SLCO3A1: variants seen among roughly 807,000 people sequenced by gnomAD.
SLCO3A1 encodes the protein solute carrier organic anion transporter family member 3A1, also known as PGE1 transporter.
A neutral mutation model predicts 63.1 loss-of-function variants in SLCO3A1; 27 were observed. The observed-to-expected ratio is 0.43, with a 90% CI of 0.32 to 0.59. SLCO3A1 has a LOEUF of 0.59. Among genes scored for constraint, SLCO3A1 ranks in the 20% least tolerant of loss-of-function variants. The pLI is 0.09. For missense variants in SLCO3A1, 773 were observed against 945.8 expected, an observed-to-expected ratio of 0.82 and a Z score of 2.40; for synonymous variants, 473 against 409.9, an observed-to-expected ratio of 1.15 and a Z score of -1.86.
intron 7 of SLCO3A1, among the ~76,000 whole-genome samples, chr15:92,144,240 C>T (rs1596142172): frequency 6.6e-6 from 1 of 152,156 alleles, no homozygotes; most frequent in African/African-American, 2.4e-5. Flanking sequence ...GGTTTAGAAA[C>T]ACATATACAT....
intron 2 of SLCO3A1, among the ~76,000 whole-genome samples, chr15:92,015,350 C>T (rs563728641): frequency 6.6e-5 from 10 of 152,186 alleles, no homozygotes; most frequent in African/African-American, 2.2e-4. Flanking sequence ...AGGAAACTTA[C>T]AATCATGTCA....
intron 9 of SLCO3A1, among the ~76,000 whole-genome samples, chr15:92,157,855 C>T (rs181786426): frequency 1.3e-5 from 2 of 152,264 alleles, no homozygotes; most frequent in Admixed American, 1.3e-4. Flanking sequence ...AAAGCTCTGC[C>T]TGAAGGTATG....
intron 5 of SLCO3A1, among the ~76,000 whole-genome samples, chr15:92,121,874 T>C (rs962355805): frequency 6.6e-6 from 1 of 152,152 alleles, no homozygotes; most frequent in Non-Finnish European, 1.5e-5. Context: ...AATGTCTCTG[T>C]TGGCTTTAAT....
At position 91,912,374 on chromosome 15, in the gene SLCO3A1, A is replaced by C. The variant is rs72750089; in HGVS notation, c.181-3619A>C. 0.071 allele frequency among the ~76,000 whole-genome samples: 10,744 copies of C among 152,310 alleles called. 546 individuals are homozygous for C. The highest frequency in any genetic ancestry group is 0.11 in the Non-Finnish European group (7,347 of 68,018). On this transcript the variant is annotated intron_variant, in intron 1 of 9. Coordinates refer to ENST00000318445, the MANE Select transcript of SLCO3A1 (RefSeq NM_013272.4). This position sits in a 1 kb window ranked among gnomAD's most constrained non-coding sequence, Gnocchi z 5.0. ...TCCCAGACTGGCATTGCAGCCCAGC[A>C]GAAGGCCACAGGTCAAGGAGGGAAA...
rs542620099 is a variant in SLCO3A1, at chr15:91,950,223, G to A, written c.646+33765G>A. On this transcript the variant is annotated intron_variant, in intron 2 of 9. Transcript: ENST00000318445. The surrounding 1 kb of genome is among the most constrained non-coding windows in gnomAD (Gnocchi z 4.4). ...AGGCCTGATGGTATGGAGTCTGCAT[G>A]CTCAGGGCTGCCTGCTGTGGCCAGA... Among the ~76,000 whole-genome samples, 2 of 152,184 alleles carry A rather than the reference G, an allele frequency of 1.3e-5. No individual in the cohort carries two copies. Among genetic ancestry groups the A allele is most frequent in the Non-Finnish European group, 2.9e-5 (2 of 68,040 alleles).
chr15:92,147,009 C>A lies in SLCO3A1; in HGVS notation c.1538C>A (p.Thr513Asn). ...STNLTGCACL[T>N]TVPAENATVV... Reference sequence around the variant, plus strand: ...AATCTCACGGGCTGTGCGTGCCTCACCACCGTCCCTGCTGAGAACGCAACC... The same window carrying A: ...AATCTCACGGGCTGTGCGTGCCTCAACACCGTCCCTGCTGAGAACGCAACC... The change falls in exon 8 of 10, where the codon ACC becomes AAC. Residue 513 changes from threonine (T) to asparagine (N), a missense_variant. Transcript: ENST00000318445. 5 of 1,613,732 alleles carry A rather than the reference C, an allele frequency of 3.1e-6. No individual in the cohort carries two copies. Among genetic ancestry groups the A allele is most frequent in the Non-Finnish European group, 3.4e-6 (4 of 1,179,780 alleles).
chr15:92,004,694 G>A (rs796094041), intron 2 of SLCO3A1, among the ~76,000 whole-genome samples: 17 of 152,374 alleles, frequency 1.1e-4, no homozygotes, highest in African/African-American at 3.8e-4. Flanking sequence ...GCTGGTGAGT[G>A]AGTTGGAGAA....
intron 2 of SLCO3A1, among the ~76,000 whole-genome samples, chr15:91,959,780 G>A (rs1404122956): frequency 1.3e-5 from 2 of 150,314 alleles, no homozygotes; most frequent in African/African-American, 4.9e-5. Flanking sequence ...CAGTTGTTTA[G>A]TGTATTCATA....
rs1298224809 is a variant in SLCO3A1 at position 92,047,618 on chromosome 15, AAAT to A, written c.647-47261_647-47259del. 1.0e-4 allele frequency among the ~76,000 whole-genome samples: 3 copies of A among 29,716 alleles called. 1 individual carries two copies. Among genetic ancestry groups the A allele is most frequent in the Non-Finnish European group, 3.3e-4 (3 of 9,022 alleles). 19.5% of individuals were successfully genotyped at this position (29,716 alleles called of 152,430 possible). On this transcript the variant is annotated intron_variant, in intron 2 of 9. Transcript: ENST00000318445. Reference sequence around the variant, plus strand: ...AATATATAATATATATATAATATATAAATATATATATAAATATATAAATATATA... The same window carrying A: ...AATATATAATATATATATAATATATAATATATATAAATATATAAATATATA...
At chr15:91,978,340 T>C (rs912564499) in intron 2 of SLCO3A1, among the ~76,000 whole-genome samples, 67 of 152,324 alleles carry the variant, frequency 4.4e-4, no homozygotes, top group African/African-American at 1.5e-3. Flanking sequence ...GCTCTTTTAC[T>C]CTTCAGTGAA....
chr15:91,854,358 G>A lies in SLCO3A1; in HGVS notation c.180+270G>A, dbSNP rs1597057056. 3.6e-6 allele frequency: 4 copies of A among 1,102,776 alleles called. No individual in the cohort carries two copies. Among genetic ancestry groups the A allele is most frequent in the Non-Finnish European group, 4.4e-6 (4 of 904,668 alleles). The allele number at this position is 1,102,776 out of a possible 1,614,324, so 68.3% of individuals were successfully genotyped here. On this transcript the variant is annotated intron_variant, in intron 1 of 9. Transcript: ENST00000318445. This position sits in a 1 kb window ranked among gnomAD's most constrained non-coding sequence, Gnocchi z 6.4. ...GGGGTGCCGGGGGAGGAGAGGCGGC[G>A]GGCAGGTGGGCGTGAAACTATTCCT...
chr15:91,904,707 A>T (rs1051581916), intron 1 of SLCO3A1, among the ~76,000 whole-genome samples: 4 of 152,180 alleles, frequency 2.6e-5, no homozygotes, highest in Non-Finnish European at 5.9e-5. Flanking sequence ...TGAAACTAAA[A>T]TTGGACTTTG....
At chr15:92,160,955 T>G (rs2048429439) in intron 9 of SLCO3A1, among the ~76,000 whole-genome samples, 1 of 151,726 alleles carries the variant, frequency 6.6e-6, no homozygotes, top group Admixed American at 6.5e-5. Context: ...GATACAGGTT[T>G]GATTTTATGG....
chr15:92,081,094 C>T (rs4984331), intron 2 of SLCO3A1, among the ~76,000 whole-genome samples: 4 of 151,592 alleles, frequency 2.6e-5, no homozygotes, highest in Non-Finnish European at 5.9e-5. Context: ...TTTGTGTTAC[C>T]GACATTCCAG....
Position 92,172,006 on chromosome 15 carries a change from C to T in SLCO3A1, c.*144C>T. 3.0e-6 allele frequency: 2 copies of T among 656,454 alleles called. 1 individual carries two copies. The highest frequency in any genetic ancestry group is 3.6e-5 in the South Asian group (2 of 55,292). The allele number at this position is 656,454 out of a possible 1,614,324, so 40.7% of individuals were successfully genotyped here. A position where few individuals can be genotyped will look rare whatever the true frequency, so the allele number is the denominator to read the frequency against. On this transcript the variant is annotated 3_prime_UTR_variant, in exon 11 of 11. Transcript: ENST00000424469. ...CCAGCCAGTGTGTGGTCCTTTGAGGCCCCAAGCGCAGGCCTGTGATGAGGA... is the reference window on the plus strand; with the variant it reads ...CCAGCCAGTGTGTGGTCCTTTGAGGTCCCAAGCGCAGGCCTGTGATGAGGA...
intron 2 of SLCO3A1, among the ~76,000 whole-genome samples, chr15:91,947,294 G>A (rs1475674949): frequency 2.6e-5 from 4 of 152,222 alleles, no homozygotes; most frequent in African/African-American, 9.6e-5. Flanking sequence ...CATAGGAAAA[G>A]CAGCTTATCT....
chr15:91,911,290 G>C (rs974814541), intron 1 of SLCO3A1, among the ~76,000 whole-genome samples: 1 of 152,184 alleles, frequency 6.6e-6, no homozygotes, highest in East Asian at 1.9e-4. Context: ...TCTTTTGAAT[G>C]GGGGAAGGCT....
At chr15:92,075,397 C>T (rs1465708838) in intron 2 of SLCO3A1, among the ~76,000 whole-genome samples, 1 of 152,182 alleles carries the variant, frequency 6.6e-6, no homozygotes, top group Non-Finnish European at 1.5e-5. Flanking sequence ...ACTGACCACA[C>T]TGGCAGCTGA....
At chr15:91,903,490 A>G (rs1898212159) in intron 1 of SLCO3A1, among the ~76,000 whole-genome samples, 1 of 152,172 alleles carries the variant, frequency 6.6e-6, no homozygotes, top group Admixed American at 6.5e-5. Flanking sequence ...TATTTTTGCA[A>G]AAGGGAGTGG....
Sources: gnomAD v4.1 joint callset for allele counts (sites outside exome capture counted in the v4.1 genomes callset) on GRCh38, gnomAD v4.1.1 for gene constraint, Gnocchi (gnomAD v3.1) non-coding constraint, MANE v1.5 for transcripts, NCBI Gene and HGNC (gene_info 2026-07-23, HGNC 2026-07-21) for gene names.